RAP1B: variants seen among roughly 807,000 people sequenced by gnomAD.
RAP1B encodes the protein RAP1B, member of RAS oncogene family.
In RAP1B, 1 loss-of-function variant was observed where a neutral mutation model predicts 27.5. That is an observed-to-expected ratio of 0.04 (90% confidence interval 0.01 to 0.17). RAP1B has a LOEUF of 0.17. Among genes scored for constraint, RAP1B ranks in the 10% least tolerant of loss-of-function variants. RAP1B has a pLI of 1.00. For synonymous variants in RAP1B, 75 were observed against 73.1 expected, an observed-to-expected ratio of 1.03 and a Z score of -0.13; for missense variants, 84 against 214.8, an observed-to-expected ratio of 0.39 and a Z score of 3.81.
At chr12:68,627,564 C>G (rs1871896182) in intron 1 of RAP1B, among the ~76,000 whole-genome samples, 1 of 152,042 alleles carries the variant, frequency 6.6e-6, no homozygotes, top group Non-Finnish European at 1.5e-5. Context: ...CTCGTTATTC[C>G]CAGCGTGACT....
intron 7 of RAP1B, chr12:68,657,748 ACACACACACACACACACACACACACGTG>A (rs1212508803): frequency 1.3e-5 from 2 of 153,504 alleles, no homozygotes; most frequent in African/African-American, 5.0e-5. Context: ...ACACACACAC[ACACACACACACACACACACACACACGTG>A]CGCGCGTGCG....
chr12:68,648,798 TTACC>T lies in RAP1B; in HGVS notation c.57+20_57+23del. The T allele has an allele frequency of 6.2e-7, 1 of 1,604,134 alleles. No homozygotes were observed. Among genetic ancestry groups the T allele is most frequent in the African/African-American group, 1.3e-5 (1 of 74,198 alleles). The stretch of plus-strand genomic sequence containing the variant: ...TCTGCTTTGGTAAGTCATTCTTACT[TTACC>T]TAAGCCTTTCACTCCAAGACGTTCT... On this transcript the variant is annotated intron_variant, in intron 2 of 7. Coordinates refer to ENST00000250559, the MANE Select transcript of RAP1B (RefSeq NM_001010942.3).
rs1346097978 is a variant in RAP1B, at chr12:68,667,041, CAG to C, written c.*7793_*7794del. Reference sequence around the variant, plus strand: ...CCACAGAATTACCTTCTACTTGTGTCAGTATATATCCTGCCTACCCTACATAT... The same window carrying C: ...CCACAGAATTACCTTCTACTTGTGTCTATATATCCTGCCTACCCTACATAT... On this transcript the variant is annotated 3_prime_UTR_variant, in exon 8 of 8. Transcript: ENST00000250559. 6.6e-6 allele frequency: 1 copy of C among 152,162 alleles called. No homozygotes were observed. Among genetic ancestry groups the C allele is most frequent in the Non-Finnish European group, 1.5e-5 (1 of 68,034 alleles). The allele number at this position is 152,162 out of a possible 1,614,324, so 9.4% of individuals were successfully genotyped here.
At position 68,611,012 on chromosome 12, in the gene RAP1B, C is replaced by G. The variant is rs1870524207; in HGVS notation, c.-58C>G. On this transcript the variant is annotated 5_prime_UTR_variant, in exon 1 of 8. Transcript: ENST00000250559. ...GACCCGGGGGGAGCGCGGGGCGACG[C>G]TGGCTGCAGGGACCCGGTGACAGCG... 1 of 321,960 alleles carries G rather than the reference C, an allele frequency of 3.1e-6. No homozygotes were observed. The highest frequency in any genetic ancestry group is 2.2e-5 in the African/African-American group (1 of 45,052). 19.9% of individuals were successfully genotyped at this position (321,960 alleles called of 1,614,324 possible).
intron 6 of RAP1B, 128 bp downstream of exon 6, chr12:68,656,577 A>AT (rs1398883651): frequency 1.1e-6 from 1 of 889,662 alleles, no homozygotes; most frequent in Non-Finnish European, 1.8e-6. Context: ...AAAAAAAAAA[A>AT]ACCCTCATGT....
chr12:68,657,067 T>C, intron 6 of RAP1B, 34 bp from the exon 7 acceptor site: 1 of 1,546,236 alleles, frequency 6.5e-7, no homozygotes, highest in South Asian at 1.1e-5. Flanking sequence ...TAGGTGTTCC[T>C]CCTGTAAATT....
rs550479741 is a variant in RAP1B, at chr12:68,638,087, TTAAAGG to T, written c.-26-10608_-26-10603del. Among the ~76,000 whole-genome samples the T allele has an allele frequency of 2.3e-4, 35 of 152,328 alleles. No homozygotes were observed. In the South Asian group the frequency reaches 7.0e-3, roughly 31 times the overall value. ...ATCCTGGATAGGATTAAAGCAGTCT[TTAAAGG>T]TAATCTGTTGTTGGCTTTAATGTTT... On this transcript the variant is annotated intron_variant, in intron 1 of 7. Transcript: ENST00000250559.
At chr12:68,639,888 T>G (rs1872878111) in intron 1 of RAP1B, among the ~76,000 whole-genome samples, 1 of 151,942 alleles carries the variant, frequency 6.6e-6, no homozygotes, top group Non-Finnish European at 1.5e-5. Flanking sequence ...TGTGCTAGGC[T>G]GGAGTGCAGT....
At chr12:68,640,246 A>G (rs1461692130) in intron 1 of RAP1B, among the ~76,000 whole-genome samples, 1 of 152,196 alleles carries the variant, frequency 6.6e-6, no homozygotes, top group Non-Finnish European at 1.5e-5. Context: ...GTACTGAGCT[A>G]TATAGTAATT....
At position 68,650,727 on chromosome 12, in the gene RAP1B, C is replaced by G. The variant is rs1316958729; in HGVS notation, c.126+259C>G. ...CAGACCATCCATTTCAAGTAGTAGC[C>G]CCATGTTACTTTCAGTCCCCTACCT... On this transcript the variant is annotated intron_variant, in intron 3 of 7. Coordinates refer to ENST00000250559, the MANE Select transcript of RAP1B (RefSeq NM_001010942.3). 1.4e-5 allele frequency: 3 copies of G among 213,170 alleles called. No homozygotes were observed. In the Admixed American group the frequency reaches 1.8e-4, roughly 13 times the overall value. The allele number at this position is 213,170 out of a possible 1,614,324, so 13.2% of individuals were successfully genotyped here.
chr12:68,636,131 C>T (rs1431490053), intron 1 of RAP1B, among the ~76,000 whole-genome samples: 15 of 151,976 alleles, frequency 9.9e-5, no homozygotes, highest in African/African-American at 3.6e-4. Flanking sequence ...GTGATCTGCC[C>T]GCCTTGGCCT....
chr12:68,654,492 CTT>C (rs1029171925), intron 5 of RAP1B, among the ~76,000 whole-genome samples: 3 of 144,202 alleles, frequency 2.1e-5, no homozygotes, highest in African/African-American at 2.5e-5. Context: ...TACACCCTTC[CTT>C]TTTTTTTTTT....
intron 4 of RAP1B, among the ~76,000 whole-genome samples, chr12:68,653,824 G>T (rs923556729): frequency 1.3e-5 from 2 of 151,922 alleles, no homozygotes; most frequent in South Asian, 4.2e-4. Context: ...CCAGCTACTC[G>T]GGAGGCTGAG....
rs1287242812 is a variant in RAP1B, at chr12:68,667,390, C to T, written c.*8141C>T. On this transcript the variant is annotated 3_prime_UTR_variant, in exon 8 of 8. Coordinates refer to ENST00000250559, the MANE Select transcript of RAP1B (RefSeq NM_001010942.3). ...GAAAAAAAGAAATGGAAGGAATGGACAGGCCCAGAATTAAATGATAAAAAC... is the reference window on the plus strand; with the variant it reads ...GAAAAAAAGAAATGGAAGGAATGGATAGGCCCAGAATTAAATGATAAAAAC... 1 of 152,010 alleles carries T rather than the reference C, an allele frequency of 6.6e-6. No homozygotes were observed. Among genetic ancestry groups the T allele is most frequent in the African/African-American group, 2.4e-5 (1 of 41,364 alleles). 9.4% of individuals were successfully genotyped at this position (152,010 alleles called of 1,614,324 possible).
At position 68,669,322 on chromosome 12, in the gene RAP1B, G is replaced by A. The variant is rs544227129; in HGVS notation, c.*10073G>A. 10 of 152,298 alleles carry A rather than the reference G, an allele frequency of 6.6e-5. No homozygotes were observed. The highest frequency in any genetic ancestry group is 2.4e-4 in the African/African-American group (10 of 41,566). The allele number at this position is 152,298 out of a possible 1,614,324, so 9.4% of individuals were successfully genotyped here. A position where few individuals can be genotyped will look rare whatever the true frequency, so the allele number is the denominator to read the frequency against. On this transcript the variant is annotated 3_prime_UTR_variant, in exon 8 of 8. Coordinates refer to ENST00000250559, the MANE Select transcript of RAP1B (RefSeq NM_001010942.3). ...AATATCAATTCCCCCAAATTAGCAT[G>A]TTAATGTATAATGATTACAATTTAA...
rs545220265 is a variant in RAP1B, at chr12:68,625,451, T to C, written c.-27+14408T>C. 2.0e-5 allele frequency among the ~76,000 whole-genome samples: 3 copies of C among 152,368 alleles called. No homozygotes were observed. In the East Asian group the frequency reaches 5.8e-4, roughly 29 times the overall value. On this transcript the variant is annotated intron_variant, in intron 1 of 7. Coordinates refer to ENST00000250559, the MANE Select transcript of RAP1B (RefSeq NM_001010942.3). ...TATTATTAGAGAAAATTACAGGAAG[T>C]ACCTATGCTCCCACTATGTTTTGTT...
rs1311318320 is a variant in RAP1B, at chr12:68,662,193, G to A, written c.*2944G>A. ...TCTCCTATACAAAATAGTAACTGCA[G>A]TTTGGGAGCACAACTCATGTAGATT... On this transcript the variant is annotated 3_prime_UTR_variant, in exon 8 of 8. Transcript: ENST00000250559. 6.6e-6 allele frequency: 1 copy of A among 151,436 alleles called. No individual in the cohort carries two copies. Among genetic ancestry groups the A allele is most frequent in the Admixed American group, 6.6e-5 (1 of 15,210 alleles). The allele number at this position is 151,436 out of a possible 1,614,324, so 9.4% of individuals were successfully genotyped here.
chr12:68,654,091 G>A (rs369140535), intron 4 of RAP1B, 21 bp from the exon 5 acceptor site: 42 of 1,556,966 alleles, frequency 2.7e-5, no homozygotes, highest in Non-Finnish European at 3.4e-5. Context: ...GTTTTTTAAC[G>A]TTCCTTTCTT....
intron 1 of RAP1B, among the ~76,000 whole-genome samples, chr12:68,641,872 A>G (rs900141239): frequency 6.6e-6 from 1 of 152,068 alleles, no homozygotes; most frequent in Non-Finnish European, 1.5e-5. Flanking sequence ...TAGAAATTTA[A>G]TTGATTTTCT....
Sources: allele counts gnomAD v4.1 joint callset (sites outside exome capture counted in the v4.1 genomes callset), GRCh38; gene constraint gnomAD v4.1.1; transcripts MANE v1.5; gene names NCBI Gene and HGNC (gene_info 2026-07-23, HGNC 2026-07-21).